CNTN5: variants seen among roughly 807,000 people sequenced by gnomAD.
CNTN5 encodes contactin 5.
Under a neutral mutation model 129.1 loss-of-function variants are expected in CNTN5, and 77 were observed. That is an observed-to-expected ratio of 0.60 (90% confidence interval 0.50 to 0.72). The LOEUF is 0.72. Among genes scored for constraint, CNTN5 ranks in the 30% least tolerant of loss-of-function variants. The pLI, the probability that CNTN5 is intolerant of heterozygous loss-of-function variation, is 0.00. For synonymous variants in CNTN5, 509 were observed against 465.6 expected (o/e 1.09, Z -1.20); for missense variants, 1,478 against 1,328.8 (o/e 1.11, Z -1.75).
intron 6 of CNTN5, among the ~76,000 whole-genome samples, chr11:99,914,873 A>G (rs1333587179): frequency 6.6e-6 from 1 of 152,098 alleles, no homozygotes; most frequent in Non-Finnish European, 1.5e-5. Context: ...AATATAATGT[A>G]TAGAATTTTT....
chr11:99,966,555 C>T (rs80008384), intron 8 of CNTN5, among the ~76,000 whole-genome samples: 37 of 152,296 alleles, frequency 2.4e-4, no homozygotes, highest in African/African-American at 8.7e-4. Context: ...TCTCTTAGCA[C>T]TTAACTCTCT....
intron 3 of CNTN5, among the ~76,000 whole-genome samples, chr11:99,671,477 G>A (rs964496142): frequency 2.0e-5 from 3 of 152,070 alleles, no homozygotes; most frequent in Admixed American, 1.3e-4. Context: ...GTGTGTGTAT[G>A]AGAGTGAAAC....
intron 3 of CNTN5, among the ~76,000 whole-genome samples, chr11:99,649,502 C>T (rs1475470566): frequency 6.6e-6 from 1 of 151,726 alleles, no homozygotes; most frequent in East Asian, 1.9e-4. Flanking sequence ...CACAAATGGG[C>T]ACAGAAGTCT....
intron 6 of CNTN5, among the ~76,000 whole-genome samples, chr11:99,885,549 C>T (rs11221767): frequency 0.077 from 11,646 of 152,114 alleles, 579 homozygotes; most frequent in African/African-American, 0.13. Flanking sequence ...ATTATACCCT[C>T]AAGGAAGGAT....
At position 99,090,850 on chromosome 11, in the gene CNTN5, G is replaced by T. The variant is rs186264410; in HGVS notation, c.-210+69580G>T. Among the ~76,000 whole-genome samples, 703 of 151,304 alleles carry T rather than the reference G, an allele frequency of 4.6e-3. 7 individuals carry two copies. Among genetic ancestry groups the T allele is most frequent in the African/African-American group, 0.016 (676 of 41,284 alleles). On this transcript the variant is annotated intron_variant, in intron 1 of 24. Transcript: ENST00000524871. ...ATCCTGGCTAACACGGTGAAACCCCGTCTCTACTAAAAATACAAAAAATTA... is the reference window on the plus strand; with the variant it reads ...ATCCTGGCTAACACGGTGAAACCCCTTCTCTACTAAAAATACAAAAAATTA...
At chr11:100,055,922 G>T (rs1943202697) in intron 9 of CNTN5, among the ~76,000 whole-genome samples, 1 of 150,960 alleles carries the variant, frequency 6.6e-6, no homozygotes, top group Non-Finnish European at 1.5e-5. Flanking sequence ...ACACCCTCTA[G>T]CTTTATACTA....
chr11:99,689,407 G>A (rs1436852078), intron 3 of CNTN5, among the ~76,000 whole-genome samples: 6 of 151,470 alleles, frequency 4.0e-5, no homozygotes, highest in Non-Finnish European at 8.8e-5. Flanking sequence ...GGCGCCTGTA[G>A]TCCCAGCTGC....
intron 2 of CNTN5, among the ~76,000 whole-genome samples, chr11:99,428,013 T>C (rs1240690272): frequency 6.6e-6 from 1 of 152,044 alleles, no homozygotes; most frequent in Non-Finnish European, 1.5e-5. Context: ...TAGAAATTTG[T>C]GAGATGCTTA....
chr11:99,950,705 C>G (rs992653534), intron 7 of CNTN5, among the ~76,000 whole-genome samples: 12 of 152,194 alleles, frequency 7.9e-5, no homozygotes, highest in African/African-American at 2.7e-4. Context: ...GAGCCAATAG[C>G]TCCCCTATTG....
chr11:99,566,668 A>T (rs1949016410), intron 3 of CNTN5, among the ~76,000 whole-genome samples: 1 of 152,234 alleles, frequency 6.6e-6, no homozygotes, highest in Non-Finnish European at 1.5e-5. Flanking sequence ...TGAAGTCATT[A>T]ATATGAGTCT....
chr11:99,297,179 G>T (rs1864423877), intron 1 of CNTN5, among the ~76,000 whole-genome samples: 1 of 152,152 alleles, frequency 6.6e-6, no homozygotes, highest in South Asian at 2.1e-4. Flanking sequence ...AGAAAATACT[G>T]CCACATGGTT....
chr11:100,168,194 C>T (rs1456515929), intron 13 of CNTN5, among the ~76,000 whole-genome samples: 2 of 151,890 alleles, frequency 1.3e-5, no homozygotes, highest in Non-Finnish European at 2.9e-5. Context: ...CAAGTGCTGA[C>T]GTAGAAGCTG....
At chr11:99,201,052 T>C (rs1859154443) in intron 1 of CNTN5, among the ~76,000 whole-genome samples, 2 of 121,900 alleles carry the variant, frequency 1.6e-5, no homozygotes, top group East Asian at 5.1e-4. Flanking sequence ...TTTTCCAGAG[T>C]CTTGACCTGT....
chr11:99,845,311 T>C, intron 6 of CNTN5, 49 bp downstream of exon 6: 1 of 1,019,550 alleles, frequency 9.8e-7, no homozygotes, highest in Non-Finnish European at 1.3e-6. Context: ...AGTGTGTATA[T>C]ACAGTATGGA....
intron 1 of CNTN5, among the ~76,000 whole-genome samples, chr11:99,216,702 C>G (rs1193268479): frequency 6.6e-6 from 1 of 151,994 alleles, no homozygotes; most frequent in African/African-American, 2.4e-5. Context: ...GGGAAACACT[C>G]CAGGACATTG....
intron 2 of CNTN5, among the ~76,000 whole-genome samples, chr11:99,441,150 G>A (rs2135148475): frequency 6.6e-6 from 1 of 152,184 alleles, no homozygotes; most frequent in Non-Finnish European, 1.5e-5. Flanking sequence ...TAAGGTTGAA[G>A]TTGTGTGAGC....
intron 8 of CNTN5, among the ~76,000 whole-genome samples, chr11:99,990,017 A>G (rs2137406341): frequency 6.6e-6 from 1 of 152,292 alleles, no homozygotes; most frequent in Admixed American, 6.5e-5. Flanking sequence ...TGCCCGCCTC[A>G]GCCTCCCAAA....
At chr11:99,084,093 C>T (rs987900458) in intron 1 of CNTN5, among the ~76,000 whole-genome samples, 1 of 152,106 alleles carries the variant, frequency 6.6e-6, no homozygotes, top group South Asian at 2.1e-4. Flanking sequence ...TATCTTCTCC[C>T]CACCAACTAC....
chr11:99,876,867 A>G (rs1456920458), intron 6 of CNTN5, among the ~76,000 whole-genome samples: 1 of 152,174 alleles, frequency 6.6e-6, no homozygotes, highest in Non-Finnish European at 1.5e-5. Context: ...TGCTATACTA[A>G]ATGATAAATT....
Sources: allele counts gnomAD v4.1 joint callset (sites outside exome capture counted in the v4.1 genomes callset), GRCh38; gene constraint gnomAD v4.1.1; transcripts MANE v1.5; gene names NCBI Gene and HGNC (gene_info 2026-07-23, HGNC 2026-07-21).